Variants in SPON1 observed in about 807,000 individuals in gnomAD.
SPON1 encodes spondin 1.
Under a neutral mutation model 111.7 loss-of-function variants are expected in SPON1, and 52 were observed. The observed-to-expected ratio is 0.47, with a 90% CI of 0.37 to 0.59. The LOEUF is 0.59. Among genes scored for constraint, SPON1 ranks in the 20% least tolerant of loss-of-function variants. The probability of loss-of-function intolerance (pLI) is 0.00; values close to 1 mark genes in which losing one functional copy is unlikely to be tolerated. For missense variants in SPON1, 957 were observed against 1,068.5 expected (o/e 0.90, Z 1.46); for synonymous variants, 410 against 395.8 (o/e 1.04, Z -0.43).
At chr11:14,224,030 T>A (rs1255053691) in intron 6 of SPON1, among the ~76,000 whole-genome samples, 1 of 152,206 alleles carries the variant, frequency 6.6e-6, no homozygotes, top group Non-Finnish European at 1.5e-5. Flanking sequence ...TATAAGCAAA[T>A]CAAATTTTGA....
chr11:14,125,346 G>A (rs112515348), intron 5 of SPON1, among the ~76,000 whole-genome samples: 11 of 152,348 alleles, frequency 7.2e-5, no homozygotes, highest in African/African-American at 2.6e-4. Context: ...GCATGGATGA[G>A]TCTGTAGATG....
intron 3 of SPON1, among the ~76,000 whole-genome samples, chr11:14,059,497 T>C (rs1204448208): frequency 1.3e-5 from 2 of 151,600 alleles, no homozygotes; most frequent in Non-Finnish European, 2.9e-5. Context: ...ATTGGACAAA[T>C]ATTTAGTGAG....
intron 6 of SPON1, among the ~76,000 whole-genome samples, chr11:14,224,561 T>C (rs1472622633): frequency 6.6e-6 from 1 of 152,142 alleles, no homozygotes; most frequent in Non-Finnish European, 1.5e-5. Context: ...GAATTTAGCT[T>C]CTCTAAGCTG....
chr11:14,032,813 T>C (rs1848568663), intron 2 of SPON1, among the ~76,000 whole-genome samples: 1 of 152,120 alleles, frequency 6.6e-6, no homozygotes, highest in African/African-American at 2.4e-5. Flanking sequence ...TCTTCCCTCA[T>C]TCCCCACCCT....
At chr11:14,052,845 C>A (rs1848717946) in intron 3 of SPON1, among the ~76,000 whole-genome samples, 2 of 152,166 alleles carry the variant, frequency 1.3e-5, no homozygotes, top group Admixed American at 1.3e-4. Flanking sequence ...GTACAGGCTG[C>A]CGAGGAACAG....
chr11:14,072,801 TC>T (rs778516305), intron 3 of SPON1, among the ~76,000 whole-genome samples: 38 of 152,170 alleles, frequency 2.5e-4, no homozygotes, highest in Admixed American at 5.9e-4. Flanking sequence ...TTTTACTACA[TC>T]CTGAGTGCTC....
intron 3 of SPON1, among the ~76,000 whole-genome samples, chr11:14,055,004 G>A (rs1243811380): frequency 3.3e-5 from 5 of 152,120 alleles, no homozygotes; most frequent in South Asian, 2.1e-4. Flanking sequence ...ATCTTCCTTC[G>A]CACCAGCTGT....
intron 6 of SPON1, among the ~76,000 whole-genome samples, chr11:14,229,969 TG>T (rs1848780355): frequency 1.3e-5 from 2 of 151,722 alleles, no homozygotes; most frequent in African/African-American, 4.9e-5. Context: ...TGTGTGTGTG[TG>T]TGTGTGTGTG....
chr11:14,193,528 T>C (rs988917373), intron 6 of SPON1, among the ~76,000 whole-genome samples: 5 of 152,186 alleles, frequency 3.3e-5, no homozygotes, highest in Non-Finnish European at 7.3e-5. Context: ...GGGTGGTCAT[T>C]GGTTTCACTT....
chr11:14,043,895 A>G (rs1368298093), intron 3 of SPON1, among the ~76,000 whole-genome samples: 1 of 152,244 alleles, frequency 6.6e-6, no homozygotes, highest in Admixed American at 6.5e-5. Context: ...CTATTAGCCC[A>G]GGCATCCAGG....
intron 5 of SPON1, among the ~76,000 whole-genome samples, chr11:14,097,488 G>T (rs762061684): frequency 6.6e-6 from 1 of 152,068 alleles, no homozygotes; most frequent in African/African-American, 2.4e-5. Flanking sequence ...TTTTCATTAC[G>T]TTTTCTATCA....
At chr11:14,057,127 C>G (rs2133821118) in intron 3 of SPON1, among the ~76,000 whole-genome samples, 1 of 152,196 alleles carries the variant, frequency 6.6e-6, no homozygotes, top group East Asian at 1.9e-4. Context: ...TCTATAATCT[C>G]AAAGTACTTG....
At chr11:14,116,495 T>C (rs1328111477) in intron 5 of SPON1, among the ~76,000 whole-genome samples, 1 of 152,176 alleles carries the variant, frequency 6.6e-6, no homozygotes, top group African/African-American at 2.4e-5. Context: ...TTTTCCCACT[T>C]CATTACAGCA....
intron 5 of SPON1, among the ~76,000 whole-genome samples, chr11:14,118,193 T>C (rs990726878): frequency 1.3e-5 from 2 of 152,214 alleles, no homozygotes; most frequent in East Asian, 3.8e-4. Flanking sequence ...CCTAGATTTT[T>C]AAAATTAGAT....
intron 6 of SPON1, among the ~76,000 whole-genome samples, chr11:14,154,644 A>C (rs959419888): frequency 2.0e-5 from 3 of 152,214 alleles, no homozygotes; most frequent in Non-Finnish European, 2.9e-5. Flanking sequence ...TGTCTTGGCT[A>C]CTAACATTTG....
intron 2 of SPON1, among the ~76,000 whole-genome samples, chr11:14,002,559 A>G (rs1554912555): frequency 6.6e-6 from 1 of 152,160 alleles, no homozygotes; most frequent in Non-Finnish European, 1.5e-5. Flanking sequence ...TGTGGTAGGG[A>G]GTCCATGAGA....
intron 2 of SPON1, among the ~76,000 whole-genome samples, chr11:13,987,584 T>C (rs951618793): frequency 1.4e-4 from 22 of 152,212 alleles, no homozygotes; most frequent in Non-Finnish European, 2.9e-4. Flanking sequence ...ATTTTGGCTT[T>C]TGTTACCTTT....
intron 2 of SPON1, among the ~76,000 whole-genome samples, chr11:14,041,133 A>G (rs566281588): frequency 6.6e-6 from 1 of 152,300 alleles, no homozygotes; most frequent in South Asian, 2.1e-4. Context: ...TAAGTTATAA[A>G]ATTGTAGCTG....
chr11:14,075,296 T>C, intron 3 of SPON1, 49 bp from the exon 4 acceptor site: 1 of 1,452,790 alleles, frequency 6.9e-7, no homozygotes, highest in Non-Finnish European at 9.5e-7. Context: ...CTCCCAAACC[T>C]GCCTTCCTGC....
Sources: gnomAD v4.1 joint callset for allele counts (sites outside exome capture counted in the v4.1 genomes callset) on GRCh38, gnomAD v4.1.1 for gene constraint, MANE v1.5 for transcripts, NCBI Gene and HGNC (gene_info 2026-07-23, HGNC 2026-07-21) for gene names.